The following SRGAP3 variants were observed in gnomAD, a reference collection of about 807,000 sequenced individuals.
The protein encoded by SRGAP3 is SLIT-ROBO Rho GTPase activating protein 3, also known as SLIT-ROBO Rho GTPase-activating protein 3.
SRGAP3 carries 39 observed loss-of-function variants against 121.1 expected under a neutral mutation model. That is an observed-to-expected ratio of 0.32 (90% CI 0.25 to 0.42). The LOEUF (loss-of-function observed/expected upper bound fraction) is 0.42, where lower values mean the gene tolerates loss of function less well. Ranked by LOEUF, SRGAP3 falls within the 10% of genes least tolerant of loss-of-function variation. The pLI, the probability that SRGAP3 is intolerant of heterozygous loss-of-function variation, is 1.00. For missense variants in SRGAP3, 1,213 were observed against 1,470.6 expected (o/e 0.82, Z 2.86); for synonymous variants, 601 against 570.0 (o/e 1.05, Z -0.77).
intron 9 of SRGAP3, among the ~76,000 whole-genome samples, chr3:9,050,137 C>G (rs1945499470): frequency 6.6e-6 from 1 of 152,224 alleles, no homozygotes. Flanking sequence ...CTGCGCCTGG[C>G]TGAGAACCTG....
At chr3:9,123,396 C>T (rs59626105) in intron 2 of SRGAP3, among the ~76,000 whole-genome samples, 1,210 of 5,074 alleles carry the variant, frequency 0.24, 20 homozygotes, top group Middle Eastern at 0.5. Context: ...TATACATACA[C>T]AATACACATA....
At chr3:9,058,871 C>A in intron 6 of SRGAP3, 1 of 228,928 alleles carries the variant, frequency 4.4e-6, no homozygotes, top group Non-Finnish European at 8.8e-6. Context: ...AGGTGCCCAC[C>A]ACCAAGCCCA....
At chr3:9,246,289 T>C (rs1444855797) in intron 1 of SRGAP3, among the ~76,000 whole-genome samples, 3 of 152,236 alleles carry the variant, frequency 2.0e-5, no homozygotes, top group African/African-American at 4.8e-5. Flanking sequence ...TGCATCCCAC[T>C]GGCCAGATGA....
chr3:9,344,409 C>T (rs930128840), intron 1 of SRGAP3, among the ~76,000 whole-genome samples: 1 of 151,838 alleles, frequency 6.6e-6, no homozygotes, highest in African/African-American at 2.4e-5. Flanking sequence ...GAGCTGAGAT[C>T]GTGCCACCGG....
chr3:9,056,817 G>C (rs1216136520), intron 7 of SRGAP3, among the ~76,000 whole-genome samples: 1 of 152,126 alleles, frequency 6.6e-6, no homozygotes, highest in African/African-American at 2.4e-5. Flanking sequence ...ATAGCTCTTC[G>C]TCCCCCAGCA....
rs528723349 is a variant in SRGAP3 at position 9,132,280 on chromosome 3, C to A, written c.68-7363G>T. On this transcript the variant is annotated intron_variant, in intron 1 of 21. Coordinates refer to ENST00000383836, the MANE Select transcript of SRGAP3 (RefSeq NM_014850.4). ...ACACCAAAGTCTGTCACTTACATTA[C>A]GGCTCACCCTTTGTGTTGTACATTC... 3.3e-5 allele frequency among the ~76,000 whole-genome samples: 5 copies of A among 152,310 alleles called. No homozygotes were observed. In the South Asian group the frequency reaches 1.0e-3, roughly 32 times the overall value.
chr3:9,080,237 T>G lies in SRGAP3; in HGVS notation c.424-150A>C, dbSNP rs906660530. ...TAAATTTCATTGATCTACAACAACATAAATTCCTCAACTATGTCCATGAAA... is the reference window on the plus strand; with the variant it reads ...TAAATTTCATTGATCTACAACAACAGAAATTCCTCAACTATGTCCATGAAA... On this transcript the variant is annotated intron_variant, in intron 3 of 21. Coordinates refer to ENST00000383836, the MANE Select transcript of SRGAP3 (RefSeq NM_014850.4). 4 of 724,466 alleles carry G rather than the reference T, an allele frequency of 5.5e-6. No homozygotes were observed. In the African/African-American group the frequency reaches 7.0e-5, roughly 13 times the overall value. 44.9% of individuals were successfully genotyped at this position (724,466 alleles called of 1,614,324 possible).
At chr3:9,113,833 ATGATTG>A (rs1434478235) in intron 2 of SRGAP3, among the ~76,000 whole-genome samples, 1 of 152,102 alleles carries the variant, frequency 6.6e-6, no homozygotes, top group African/African-American at 2.4e-5. Context: ...GCCTCCCATC[ATGATTG>A]TAAGTTTCCT....
chr3:9,014,417 G>A (rs1943531978), intron 15 of SRGAP3: 1 of 160,774 alleles, frequency 6.2e-6, no homozygotes, highest in South Asian at 1.7e-4. Context: ...TGGTTGCTCA[G>A]GAAATGAACA....
At chr3:9,091,463 T>A (rs2124854514) in intron 3 of SRGAP3, among the ~76,000 whole-genome samples, 1 of 152,316 alleles carries the variant, frequency 6.6e-6, no homozygotes, top group South Asian at 2.1e-4. Context: ...CTCCACACTC[T>A]GGCTTGTTTT....
intron 3 of SRGAP3, among the ~76,000 whole-genome samples, chr3:9,101,438 G>C (rs1376260256): frequency 6.6e-6 from 1 of 152,232 alleles, no homozygotes; most frequent in African/African-American, 2.4e-5. Context: ...GCAGCACCCG[G>C]TGTGCTCACG....
chr3:9,235,953 TACC>T (rs1188154476), intron 1 of SRGAP3: 2 of 155,250 alleles, frequency 1.3e-5, no homozygotes, highest in Non-Finnish European at 2.9e-5. Flanking sequence ...TTGTGTATTT[TACC>T]ACAACAAATA....
intron 1 of SRGAP3, among the ~76,000 whole-genome samples, chr3:9,168,037 T>C (rs1950851902): frequency 6.6e-6 from 1 of 152,188 alleles, no homozygotes; most frequent in East Asian, 1.9e-4. Context: ...CACAAGTCTA[T>C]GCGGTAGGTG....
intron 1 of SRGAP3, among the ~76,000 whole-genome samples, chr3:9,212,598 C>G (rs959830141): frequency 9.2e-5 from 14 of 152,152 alleles, no homozygotes; most frequent in Admixed American, 8.5e-4. Flanking sequence ...GCCTGTAATC[C>G]CAGCTACTCG....
At chr3:9,148,640 T>G (rs1002391569) in intron 1 of SRGAP3, among the ~76,000 whole-genome samples, 1 of 152,244 alleles carries the variant, frequency 6.6e-6, no homozygotes, top group Non-Finnish European at 1.5e-5. Flanking sequence ...GCCTCCAATT[T>G]ACAATGGAGA....
intron 1 of SRGAP3, among the ~76,000 whole-genome samples, chr3:9,165,546 A>T: frequency 6.6e-6 from 1 of 152,160 alleles, no homozygotes; most frequent in East Asian, 1.9e-4. Flanking sequence ...AGCTCTTTCC[A>T]GGGTTCTGAT....
At chr3:9,092,031 A>G (rs1390271107) in intron 3 of SRGAP3, among the ~76,000 whole-genome samples, 1 of 152,134 alleles carries the variant, frequency 6.6e-6, no homozygotes, top group Admixed American at 6.6e-5. Context: ...AACCACCTGG[A>G]CGTTCTTGGC....
At chr3:9,342,531 A>G (rs538536349) in intron 1 of SRGAP3, among the ~76,000 whole-genome samples, 1 of 152,310 alleles carries the variant, frequency 6.6e-6, no homozygotes, top group Non-Finnish European at 1.5e-5. Flanking sequence ...GGCAGCTGCC[A>G]TTGTTGACAA....
At position 9,360,365 on chromosome 3, in the gene SRGAP3, A is replaced by C. The variant is rs190748126; in HGVS notation, n.214+2475T>G. 9.8e-5 allele frequency among the ~76,000 whole-genome samples: 15 copies of C among 152,352 alleles called. No individual in the cohort carries two copies. The East Asian group carries it at 2.9e-3, about 29-fold the overall frequency. ...AGAAAATAGTGTAAGTTAAAAATGC[A>C]TTATAACCCATCAGCCCATTGTAAA... On this transcript the variant is annotated intron_variant and non_coding_transcript_variant, in intron 1 of 3. Transcript: ENST00000490889.
Sources: gnomAD v4.1 joint callset for allele counts (sites outside exome capture counted in the v4.1 genomes callset) on GRCh38, gnomAD v4.1.1 for gene constraint, MANE v1.5 for transcripts, NCBI Gene and HGNC (gene_info 2026-07-23, HGNC 2026-07-21) for gene names.